Variants in SETD2 observed in about 807,000 individuals in gnomAD.
The protein encoded by SETD2 is histone-lysine N-methyltransferase SETD2.
SETD2 carries 31 observed loss-of-function variants against 242.1 expected under a neutral mutation model. The ratio of observed to expected loss-of-function variants is 0.13; its 90% CI spans 0.10 to 0.17. The LOEUF (loss-of-function observed/expected upper bound fraction) is 0.17, where lower values mean the gene tolerates loss of function less well. Ranked by LOEUF, SETD2 falls within the 10% of genes least tolerant of loss-of-function variation. SETD2 has a pLI of 1.00. For missense variants in SETD2, 2,481 were observed against 3,046.3 expected, an observed-to-expected ratio of 0.81 and a Z score of 4.37; for synonymous variants, 1,006 against 1,066.5, an observed-to-expected ratio of 0.94 and a Z score of 1.11.
rs1228118407 is a variant in SETD2 at position 47,017,052 on chromosome 3, T to G, written c.*41A>C. On this transcript the variant is annotated 3_prime_UTR_variant, in exon 21 of 21. Transcript: ENST00000409792. This position sits in a 1 kb window ranked among gnomAD's most constrained non-coding sequence, Gnocchi z 4.8. ...CACAGGATTTCCTCTCCCTAGAGTC[T>G]GTCTTACCTGACCACCCATCCTCCC... The G allele has an allele frequency of 1.9e-6, 3 of 1,599,962 alleles. No homozygotes were observed. In the African/African-American group the frequency reaches 4.0e-5, roughly 21 times the overall value.
At position 47,150,481 on chromosome 3, in the gene SETD2, A is replaced by G. The variant is rs73831480; in HGVS notation, c.71+13373T>C. 1.9e-3 allele frequency among the ~76,000 whole-genome samples: 286 copies of G among 152,276 alleles called. 2 individuals carry two copies. The highest frequency in any genetic ancestry group is 6.6e-3 in the African/African-American group (274 of 41,564). ...GATAGAAAGTCAACAGAACAAGGGT[A>G]AAGTGCAGCTTACCCTTAGTTTAAG... On this transcript the variant is annotated intron_variant, in intron 1 of 20. Coordinates refer to ENST00000409792, the MANE Select transcript of SETD2 (RefSeq NM_014159.7).
At chr3:47,100,852 T>C (rs962421893) in intron 8 of SETD2, among the ~76,000 whole-genome samples, 1 of 150,446 alleles carries the variant, frequency 6.6e-6, no homozygotes. Flanking sequence ...CTACTAAAAA[T>C]ACAAAAAATT....
chr3:47,158,425 C>T (rs1018411873), intron 1 of SETD2, among the ~76,000 whole-genome samples: 3 of 152,152 alleles, frequency 2.0e-5, no homozygotes, highest in African/African-American at 7.2e-5. Context: ...ACCTCTGTCA[C>T]TCAAGACAGC....
intron 18 of SETD2, among the ~76,000 whole-genome samples, chr3:47,033,706 G>A (rs1190310504): frequency 8.4e-6 from 1 of 119,758 alleles, no homozygotes; most frequent in South Asian, 2.9e-4. Flanking sequence ...TTGTTGTCCA[G>A]GTTGGAGTGC....
At chr3:47,124,803 G>A (rs955273724) in intron 2 of SETD2, among the ~76,000 whole-genome samples, 4 of 151,894 alleles carry the variant, frequency 2.6e-5, no homozygotes, top group African/African-American at 7.3e-5. Flanking sequence ...TTACTTTCTC[G>A]TACATAAATA....
At chr3:47,152,384 T>A (rs1006233285) in intron 1 of SETD2, among the ~76,000 whole-genome samples, 2 of 152,216 alleles carry the variant, frequency 1.3e-5, no homozygotes, top group Non-Finnish European at 2.9e-5. Context: ...AGGCAATTTT[T>A]AACCAGATGT....
chr3:47,119,230 G>T (rs1388212813), intron 3 of SETD2, among the ~76,000 whole-genome samples: 1 of 152,096 alleles, frequency 6.6e-6, no homozygotes, highest in Admixed American at 6.6e-5. Context: ...TCAAGGAGGG[G>T]TTAAAGTTAA....
chr3:47,140,310 C>CT (rs2043696985), intron 1 of SETD2, among the ~76,000 whole-genome samples: 1 of 152,172 alleles, frequency 6.6e-6, no homozygotes, highest in Admixed American at 6.5e-5. Flanking sequence ...AAGCCATCTG[C>CT]TTTTTCCAAA....
At chr3:47,077,640 T>A (rs925043261) in intron 12 of SETD2, among the ~76,000 whole-genome samples, 1 of 152,230 alleles carries the variant, frequency 6.6e-6, no homozygotes, top group Non-Finnish European at 1.5e-5. Flanking sequence ...TGACGGGTCC[T>A]AGAAACACTG....
rs2106659081 is a variant in SETD2 at position 47,121,727 on chromosome 3, A to C, written c.2909T>G (p.Leu970Trp). 1 of 1,614,062 alleles carries C rather than the reference A, an allele frequency of 6.2e-7. No individual in the cohort carries two copies. Among genetic ancestry groups the C allele is most frequent in the South Asian group, 1.1e-5 (1 of 91,086 alleles). ...QEAQEEGNSI[L>W]PERRGRPEIS... ...TTCTGGTCTTCCTCTTCTTTCAGGCAATATGGAATTCCCTTCTTCTTGAGC... is the reference window on the plus strand; with the variant it reads ...TTCTGGTCTTCCTCTTCTTTCAGGCCATATGGAATTCCCTTCTTCTTGAGC... Residue 970 changes from leucine (L) to tryptophan (W), a missense_variant, in exon 3 of 21, where the codon TTG becomes TGG. By Grantham distance (61) the Leu-to-Trp change is moderately conservative (BLOSUM62 -2). This residue lies in a region of SETD2 where 1,300 missense variants were observed against 1,259.2 expected (regional missense o/e 1.03). Transcript: ENST00000409792.
rs2043021830 is a variant in SETD2, at chr3:47,120,337, C to T, written c.4299G>A (p.Gln1433=). 6.2e-7 allele frequency: 1 copy of T among 1,613,806 alleles called. No homozygotes were observed. ...AACCTGGGGGCACTGATGTCTCTCC[C>T]TGCTCTACCTCCACTCTAACTTTCT... The part of the protein sequence containing the change: ...DRKKVRVEVE[Q]GETSVPPGSA... The change falls in exon 3 of 21, where the codon CAG becomes CAA. Residue 1433 remains glutamine, a synonymous_variant. Coordinates refer to ENST00000409792, the MANE Select transcript of SETD2 (RefSeq NM_014159.7).
chr3:47,105,320 G>C (rs2042367168), intron 6 of SETD2, among the ~76,000 whole-genome samples: 1 of 148,646 alleles, frequency 6.7e-6, no homozygotes, highest in African/African-American at 2.5e-5. Flanking sequence ...TGAGGCACAA[G>C]AATCGCTTGA....
At position 47,083,739 on chromosome 3, in the gene SETD2, T is replaced by C. The variant is rs2041415795; in HGVS notation, c.6041A>G (p.Asp2014Gly). Residue 2014 changes from aspartate (D) to glycine (G), a missense_variant, in exon 12 of 21, where the codon GAC (aspartate) becomes GGC (glycine). Asp to Gly is a moderately conservative substitution (Grantham distance 94, BLOSUM62 -1). Around this residue, in one of 17 missense-constraint regions of SETD2, gnomAD observed 2 missense variants for 20.0 expected, o/e 0.10. Transcript: ENST00000409792. ...CCTTACCTTTAGGTCTTTCCAACTG[T>C]CCAGGAGTTTGGTGGCCAAATCACT... The part of the protein sequence containing the change: ...DISDLATKLL[D>G]SWKDLKEVYR... 5 of 1,612,734 alleles carry C rather than the reference T, an allele frequency of 3.1e-6. No homozygotes were observed. The East Asian group carries it at 1.1e-4, about 36-fold the overall frequency.
chr3:47,037,965 T>TC (rs1346970262), intron 17 of SETD2, among the ~76,000 whole-genome samples, 188 bp from the exon 18 acceptor site: 1 of 152,224 alleles, frequency 6.6e-6, no homozygotes, highest in African/African-American at 2.4e-5. Flanking sequence ...GATATGCCCC[T>TC]CTTCAATGAC....
intron 18 of SETD2, among the ~76,000 whole-genome samples, chr3:47,026,701 A>G (rs1374272689): frequency 1.9e-5 from 2 of 103,300 alleles, no homozygotes; most frequent in African/African-American, 6.8e-5. Flanking sequence ...AAATAACACA[A>G]GAGAACACAA....
intron 5 of SETD2, among the ~76,000 whole-genome samples, chr3:47,111,079 T>TAAA (rs10672755): frequency 0.025 from 1,955 of 78,740 alleles, 312 homozygotes; most frequent in East Asian, 0.062. Flanking sequence ...GTGGTTCCTT[T>TAAA]AAAAAAAAAA....
At chr3:47,138,342 T>C in intron 1 of SETD2, 1 of 226,440 alleles carries the variant, frequency 4.4e-6, no homozygotes, top group Non-Finnish European at 9.4e-6. Context: ...CGATCTCAGC[T>C]CACTGCAACC....
intron 18 of SETD2, among the ~76,000 whole-genome samples, chr3:47,032,330 C>T (rs951396365): frequency 3.3e-5 from 5 of 151,400 alleles, no homozygotes; most frequent in Admixed American, 3.3e-4. Flanking sequence ...TGGTCACCAA[C>T]ACCACCAGAC....
intron 12 of SETD2, among the ~76,000 whole-genome samples, chr3:47,074,587 C>T (rs2040967882): frequency 6.6e-6 from 1 of 152,090 alleles, no homozygotes; most frequent in African/African-American, 2.4e-5. Context: ...AACTTGGTCC[C>T]CCAACCACCT....
Sources: gnomAD v4.1 joint callset for allele counts (sites outside exome capture counted in the v4.1 genomes callset) on GRCh38, gnomAD v4.1.1 for gene constraint, gnomAD v4.1.1 regional missense constraint, Gnocchi (gnomAD v3.1) non-coding constraint, MANE v1.5 for transcripts, NCBI Gene and HGNC (gene_info 2026-07-23, HGNC 2026-07-21) for gene names.